PALLD: variants seen among roughly 807,000 people sequenced by gnomAD.
PALLD encodes the protein palladin.
PALLD carries 61 observed loss-of-function variants against 123.5 expected under a neutral mutation model. That is an observed-to-expected ratio of 0.49 (90% confidence interval 0.40 to 0.61). The LOEUF (loss-of-function observed/expected upper bound fraction) is 0.61. Among genes scored for constraint, PALLD ranks in the 20% least tolerant of loss-of-function variants. PALLD has a pLI of 0.00. For missense variants in PALLD, 1,273 were observed against 1,377.0 expected, an observed-to-expected ratio of 0.92 and a Z score of 1.20; for synonymous variants, 465 against 496.4, an observed-to-expected ratio of 0.94 and a Z score of 0.84.
chr4:168,521,934 A>T (rs917732487), intron 2 of PALLD, among the ~76,000 whole-genome samples: 3 of 152,098 alleles, frequency 2.0e-5, no homozygotes, highest in Non-Finnish European at 4.4e-5. Flanking sequence ...AGGGTATGGG[A>T]TCAAAGCCAA....
At chr4:168,679,761 A>T (rs1485306100) in intron 3 of PALLD, among the ~76,000 whole-genome samples, 1 of 152,030 alleles carries the variant, frequency 6.6e-6, no homozygotes, top group Non-Finnish European at 1.5e-5. Context: ...TACTGAGTAG[A>T]GATTCTAATC....
chr4:168,898,314 C>T (rs898000800), intron 13 of PALLD, 179 bp from the exon 14 acceptor site: 46 of 639,922 alleles, frequency 7.2e-5, no homozygotes, highest in Non-Finnish European at 1.2e-4. Context: ...TGAAATACCA[C>T]ATAAACTCAC....
At chr4:168,818,706 A>G (rs11934692) in intron 10 of PALLD, among the ~76,000 whole-genome samples, 2,428 of 152,350 alleles carry the variant, frequency 0.016, 64 homozygotes, top group African/African-American at 0.056. Flanking sequence ...GATGTTTAGT[A>G]TAGCATATTT....
intron 14 of PALLD, among the ~76,000 whole-genome samples, chr4:168,900,020 G>T (rs1433871189): frequency 6.6e-6 from 1 of 152,152 alleles, no homozygotes; most frequent in Non-Finnish European, 1.5e-5. Flanking sequence ...GCCTCAGGAA[G>T]CTTACAATCA....
At chr4:168,763,966 CTGTT>C (rs1346283879) in intron 10 of PALLD, among the ~76,000 whole-genome samples, 2 of 152,130 alleles carry the variant, frequency 1.3e-5, no homozygotes, top group African/African-American at 4.8e-5. Context: ...ATTCATGCCT[CTGTT>C]TATTTATTCA....
intron 10 of PALLD, among the ~76,000 whole-genome samples, chr4:168,845,599 T>A (rs887538184): frequency 6.6e-6 from 1 of 152,198 alleles, no homozygotes; most frequent in Non-Finnish European, 1.5e-5. Context: ...GACATTTTTT[T>A]ATCAGGGACT....
intron 2 of PALLD, among the ~76,000 whole-genome samples, chr4:168,593,440 A>AAAAAGAAAAAAAG: frequency 7.1e-6 from 1 of 140,934 alleles, no homozygotes; most frequent in South Asian, 2.2e-4. Flanking sequence ...ACCAGGCAAA[A>AAAAAGAAAAAAAG]AAAAAAGAAA....
chr4:168,621,738 C>A (rs896473636), intron 2 of PALLD, among the ~76,000 whole-genome samples: 1 of 152,166 alleles, frequency 6.6e-6, no homozygotes, highest in Non-Finnish European at 1.5e-5. Context: ...TCTCTCTTGG[C>A]AGGTGTGACC....
At chr4:168,501,967 C>A (rs1386372290) in intron 1 of PALLD, among the ~76,000 whole-genome samples, 2 of 135,600 alleles carry the variant, frequency 1.5e-5, no homozygotes, top group Non-Finnish European at 3.2e-5. Flanking sequence ...AAATGCAGAT[C>A]AAACCAAGTA....
chr4:168,920,577 T>A lies in PALLD; in HGVS notation c.2851-957T>A, dbSNP rs1001251244. 3.9e-5 allele frequency among the ~76,000 whole-genome samples: 6 copies of A among 152,212 alleles called. 1 individual carries two copies. The South Asian group carries it at 1.2e-3, about 32-fold the overall frequency. On this transcript the variant is annotated intron_variant, in intron 17 of 21. Coordinates refer to ENST00000505667, the MANE Select transcript of PALLD (RefSeq NM_001166108.2). ...AAAATCAAGGGCAAAACTAAAAAGC[T>A]GGCAGATGGCGACCATCCTGACCCT...
At chr4:168,552,714 C>T (rs1299168151) in intron 2 of PALLD, among the ~76,000 whole-genome samples, 5 of 152,006 alleles carry the variant, frequency 3.3e-5, no homozygotes, top group South Asian at 4.1e-4. Context: ...CTCACTCTGT[C>T]GGCCAGGCTG....
intron 10 of PALLD, among the ~76,000 whole-genome samples, chr4:168,762,130 T>C (rs1733028770): frequency 6.6e-6 from 1 of 152,156 alleles, no homozygotes; most frequent in Non-Finnish European, 1.5e-5. Flanking sequence ...ATGTGATAAT[T>C]GCAAGCATTT....
chr4:168,849,661 T>C (rs1747445153), intron 10 of PALLD, among the ~76,000 whole-genome samples: 1 of 152,170 alleles, frequency 6.6e-6, no homozygotes, highest in African/African-American at 2.4e-5. Context: ...GAATTCTTGG[T>C]AGCCAGATTT....
At chr4:168,862,560 T>C (rs964666359) in intron 10 of PALLD, among the ~76,000 whole-genome samples, 18 of 152,242 alleles carry the variant, frequency 1.2e-4, no homozygotes, top group African/African-American at 4.3e-4. Flanking sequence ...ATGTTGTTGA[T>C]TGCGCTCTCT....
rs555775024 is a variant in PALLD at position 168,533,817 on chromosome 4, G to A, written c.908+21405G>A. ...GCTGCGGGAGAAGGAGTGTTCATACGGAAAGGAGGATCTAGAGAGATCAAT... is the reference window on the plus strand; with the variant it reads ...GCTGCGGGAGAAGGAGTGTTCATACAGAAAGGAGGATCTAGAGAGATCAAT... On this transcript the variant is annotated intron_variant, in intron 2 of 21. Transcript: ENST00000505667. Among the ~76,000 whole-genome samples the A allele has an allele frequency of 9.9e-5, 15 of 152,256 alleles. No homozygotes were observed. The East Asian group carries it at 1.2e-3, about 12-fold the overall frequency.
At chr4:168,594,694 A>G (rs1771806422) in intron 2 of PALLD, among the ~76,000 whole-genome samples, 1 of 152,154 alleles carries the variant, frequency 6.6e-6, no homozygotes, top group African/African-American at 2.4e-5. Context: ...TTATATACAG[A>G]TGGTGTCAAC....
chr4:168,858,356 CT>C (rs1231059619), intron 10 of PALLD, among the ~76,000 whole-genome samples: 1 of 152,156 alleles, frequency 6.6e-6, no homozygotes, highest in Non-Finnish European at 1.5e-5. Flanking sequence ...AGCATAAATA[CT>C]TTTATTAAGA....
At chr4:168,830,927 C>T (rs906622093) in intron 10 of PALLD, among the ~76,000 whole-genome samples, 16 of 152,190 alleles carry the variant, frequency 1.1e-4, no homozygotes, top group African/African-American at 3.6e-4. Flanking sequence ...TGAGTGACCA[C>T]GTTACCGAAA....
intron 2 of PALLD, among the ~76,000 whole-genome samples, chr4:168,572,969 A>G (rs1769150984): frequency 6.6e-6 from 1 of 150,650 alleles, no homozygotes; most frequent in South Asian, 2.1e-4. Context: ...TTAATTTAGA[A>G]CAAAATCTTC....
Sources: allele counts gnomAD v4.1 joint callset (sites outside exome capture counted in the v4.1 genomes callset), GRCh38; gene constraint gnomAD v4.1.1; transcripts MANE v1.5; gene names NCBI Gene and HGNC (gene_info 2026-07-23, HGNC 2026-07-21).